The following MED27 variants were observed in gnomAD, a reference collection of about 807,000 sequenced individuals.
MED27 encodes mediator of RNA polymerase II transcription subunit 27.
In MED27, 30 loss-of-function variants were observed where a neutral mutation model predicts 38.2. That is an observed-to-expected ratio of 0.79 (90% CI 0.59 to 1.07). The LOEUF is 1.07. Ranked by LOEUF, MED27 falls within the 50% of genes least tolerant of loss-of-function variation. The pLI, the probability that MED27 is intolerant of heterozygous loss-of-function variation, is 0.00. For missense variants in MED27, 289 were observed against 397.5 expected, an observed-to-expected ratio of 0.73 and a Z score of 2.32; for synonymous variants, 122 against 153.5, an observed-to-expected ratio of 0.79 and a Z score of 1.52.
intron 2 of MED27, among the ~76,000 whole-genome samples, chr9:132,047,311 G>T (rs1194630365): frequency 6.6e-6 from 1 of 152,146 alleles, no homozygotes; most frequent in Admixed American, 6.5e-5. Context: ...TAACCACGAG[G>T]AAGAGTACCA....
intron 2 of MED27, among the ~76,000 whole-genome samples, chr9:132,056,854 G>T (rs1031401535): frequency 6.6e-6 from 1 of 152,176 alleles, no homozygotes; most frequent in African/African-American, 2.4e-5. Context: ...CTCAAAAAAT[G>T]GAACTAAAGA....
intron 2 of MED27, among the ~76,000 whole-genome samples, chr9:132,016,182 A>G (rs2131079257): frequency 6.6e-6 from 1 of 152,348 alleles, no homozygotes; most frequent in African/African-American, 2.4e-5. Context: ...ATAGGGCTGC[A>G]TGCAAATAGA....
intron 6 of MED27, chr9:131,868,939 T>C (rs375558451): frequency 7.1e-6 from 7 of 985,498 alleles, no homozygotes; most frequent in African/African-American, 3.5e-5. Context: ...GCGGGAGCCA[T>C]GCGCCACAGC....
intron 3 of MED27, among the ~76,000 whole-genome samples, chr9:132,006,607 C>T (rs1223770751): frequency 6.6e-6 from 1 of 151,304 alleles, no homozygotes; most frequent in Admixed American, 6.6e-5. Context: ...TTTTTGTAAT[C>T]GAACTGCAGA....
rs144244825 is a variant in MED27 at position 131,867,849 on chromosome 9, G to T, written c.724-4709C>A. ...TTCTCATCTAGGAGCTCGGGGAGGG[G>T]TGGAGCGTTGGCACTGCCAGCTGAC... On this transcript the variant is annotated intron_variant, in intron 6 of 7. Transcript: ENST00000292035. Among the ~76,000 whole-genome samples, 203 of 152,340 alleles carry T rather than the reference G, an allele frequency of 1.3e-3. 1 individual carries two copies. The highest frequency in any genetic ancestry group is 4.5e-3 in the African/African-American group (189 of 41,584).
intron 2 of MED27, among the ~76,000 whole-genome samples, chr9:132,015,974 A>G (rs1242399165): frequency 6.6e-6 from 1 of 152,228 alleles, no homozygotes. Flanking sequence ...AATTATCTAA[A>G]CATACAAATA....
chr9:131,885,064 C>A (rs1472763259), intron 5 of MED27, among the ~76,000 whole-genome samples: 2 of 152,216 alleles, frequency 1.3e-5, no homozygotes, highest in African/African-American at 4.8e-5. Flanking sequence ...CTCTCCAGGT[C>A]CAGAAATGGG....
chr9:131,992,822 C>T (rs1564315754), intron 3 of MED27, among the ~76,000 whole-genome samples: 1 of 152,180 alleles, frequency 6.6e-6, no homozygotes, highest in African/African-American at 2.4e-5. Context: ...TCACCACCCA[C>T]AATATTCAGC....
chr9:132,076,614 C>T (rs981906470), intron 2 of MED27, among the ~76,000 whole-genome samples: 1 of 152,110 alleles, frequency 6.6e-6, no homozygotes, highest in Non-Finnish European at 1.5e-5. Context: ...AGTTAAACAA[C>T]CAACAATTCT....
chr9:132,067,502 G>A (rs941036111), intron 2 of MED27, among the ~76,000 whole-genome samples: 6 of 152,172 alleles, frequency 3.9e-5, no homozygotes, highest in Admixed American at 1.3e-4. Context: ...AGAGATGATG[G>A]CCCCTTGGGG....
chr9:132,009,916 T>C (rs1832444531), intron 3 of MED27, among the ~76,000 whole-genome samples: 1 of 152,216 alleles, frequency 6.6e-6, no homozygotes, highest in African/African-American at 2.4e-5. Flanking sequence ...GTTGATGGGG[T>C]TGTTTTTTCT....
intron 3 of MED27, among the ~76,000 whole-genome samples, chr9:131,967,654 G>A (rs1047668777): frequency 6.6e-6 from 1 of 151,184 alleles, no homozygotes; most frequent in African/African-American, 2.4e-5. Flanking sequence ...ACCAAGCCCA[G>A]CTAATTTTGT....
intron 4 of MED27, among the ~76,000 whole-genome samples, chr9:131,903,631 A>G (rs1312616447): frequency 6.6e-6 from 1 of 152,194 alleles, no homozygotes; most frequent in East Asian, 1.9e-4. Flanking sequence ...CTCTCTAAGG[A>G]CTGCACAGCT....
intron 2 of MED27, among the ~76,000 whole-genome samples, chr9:132,014,714 C>T (rs1031490856): frequency 1.4e-5 from 2 of 147,848 alleles, no homozygotes; most frequent in African/African-American, 2.5e-5. Flanking sequence ...TGGAAGCAGT[C>T]GGAATGTCCA....
intron 4 of MED27, among the ~76,000 whole-genome samples, chr9:131,923,507 C>T (rs1266468783): frequency 6.6e-6 from 1 of 152,180 alleles, no homozygotes; most frequent in Non-Finnish European, 1.5e-5. Flanking sequence ...AGTTCTCTAT[C>T]CCTCTCCTAT....
chr9:131,923,333 C>A (rs1339321949), intron 4 of MED27, among the ~76,000 whole-genome samples: 3 of 152,200 alleles, frequency 2.0e-5, no homozygotes, highest in African/African-American at 7.2e-5. Context: ...CAATTTATTT[C>A]CGTATTTGCT....
At chr9:131,978,461 G>A (rs1831658221) in intron 3 of MED27, among the ~76,000 whole-genome samples, 1 of 152,066 alleles carries the variant, frequency 6.6e-6, no homozygotes, top group South Asian at 2.1e-4. Context: ...ATTTTAGGTG[G>A]GATAATAGTA....
At chr9:131,925,143 AT>A (rs148983948) in intron 4 of MED27, among the ~76,000 whole-genome samples, 464 of 152,328 alleles carry the variant, frequency 3.0e-3, no homozygotes, top group Non-Finnish European at 4.8e-3. Flanking sequence ...AAACCAAGCA[AT>A]TCCACTCCTA....
At chr9:131,991,114 T>C (rs1221715915) in intron 3 of MED27, among the ~76,000 whole-genome samples, 1 of 152,188 alleles carries the variant, frequency 6.6e-6, no homozygotes, top group Non-Finnish European at 1.5e-5. Context: ...CGGTTTCTCA[T>C]AGCTGCTACT....
Sources: allele counts gnomAD v4.1 joint callset (sites outside exome capture counted in the v4.1 genomes callset), GRCh38; gene constraint gnomAD v4.1.1; transcripts MANE v1.5; gene names NCBI Gene and HGNC (gene_info 2026-07-23, HGNC 2026-07-21).